Variants in LEF1 observed in about 807,000 individuals in gnomAD.
The protein encoded by LEF1 is lymphoid enhancer binding factor 1.
In LEF1, 14 loss-of-function variants were observed where a neutral mutation model predicts 51.2. The observed-to-expected ratio is 0.27, with a 90% CI of 0.18 to 0.43. The LOEUF (loss-of-function observed/expected upper bound fraction) is 0.43, where lower values mean the gene tolerates loss of function less well. LEF1 is among the 20% of genes least tolerant of loss of function. The pLI, the probability that LEF1 is intolerant of heterozygous loss-of-function variation, is 1.00. For synonymous variants in LEF1, 185 were observed against 183.2 expected, an observed-to-expected ratio of 1.01 and a Z score of -0.08; for missense variants, 386 against 512.0, an observed-to-expected ratio of 0.75 and a Z score of 2.37.
intron 8 of LEF1, among the ~76,000 whole-genome samples, chr4:108,077,615 C>A (rs1209749184): frequency 1.9e-4 from 19 of 98,052 alleles, no homozygotes; most frequent in Middle Eastern, 8.6e-3. Flanking sequence ...GCTGCCGCCC[C>A]GTCTGGGAAG....
At chr4:108,161,396 G>A (rs1745045188) in intron 3 of LEF1, among the ~76,000 whole-genome samples, 1 of 152,106 alleles carries the variant, frequency 6.6e-6, no homozygotes, top group Non-Finnish European at 1.5e-5. Flanking sequence ...ACAGATAACA[G>A]GGTAAGGTAA....
chr4:108,114,552 CA>C (rs1348833669), intron 3 of LEF1, among the ~76,000 whole-genome samples: 1 of 152,128 alleles, frequency 6.6e-6, no homozygotes, highest in African/African-American at 2.4e-5. Flanking sequence ...TTTGGGGAAA[CA>C]GCCCCAAGTG....
At chr4:108,066,226 C>T (rs1738069952) in intron 9 of LEF1, among the ~76,000 whole-genome samples, 1 of 152,162 alleles carries the variant, frequency 6.6e-6, no homozygotes, top group African/African-American at 2.4e-5. Flanking sequence ...ACGCTTCTTT[C>T]AAGTATCCAC....
chr4:108,048,959 G>T (rs1410325084), intron 11 of LEF1, among the ~76,000 whole-genome samples: 1 of 152,108 alleles, frequency 6.6e-6, no homozygotes, highest in Non-Finnish European at 1.5e-5. Context: ...TTTTACTTTG[G>T]TTCCATGTAT....
chr4:108,064,430 A>G, intron 9 of LEF1, 46 bp from the exon 10 acceptor site: 1 of 1,416,298 alleles, frequency 7.1e-7, no homozygotes, highest in East Asian at 2.3e-5. Context: ...TGTACCATGA[A>G]CACACAGATG....
At chr4:108,103,307 C>A (rs1344493313) in intron 3 of LEF1, among the ~76,000 whole-genome samples, 1 of 152,200 alleles carries the variant, frequency 6.6e-6, no homozygotes, top group East Asian at 1.9e-4. Flanking sequence ...GTATATTATT[C>A]ACAAGCCTTG....
intron 8 of LEF1, among the ~76,000 whole-genome samples, chr4:108,077,238 C>T (rs1483122205): frequency 1.3e-5 from 2 of 152,162 alleles, no homozygotes; most frequent in Non-Finnish European, 2.9e-5. Flanking sequence ...GTGAGGAGCC[C>T]CTCTGCCTGG....
intron 11 of LEF1, among the ~76,000 whole-genome samples, chr4:108,058,630 C>T (rs983663119): frequency 1.3e-5 from 2 of 152,198 alleles, no homozygotes; most frequent in Non-Finnish European, 2.9e-5. Context: ...TCCTTGATTT[C>T]ACTCCGATTT....
At chr4:108,073,595 G>A (rs923037578) in intron 8 of LEF1, among the ~76,000 whole-genome samples, 6 of 152,114 alleles carry the variant, frequency 3.9e-5, no homozygotes, top group East Asian at 1.9e-4. Context: ...ATAGTTTTAC[G>A]TAACTTACAG....
chr4:108,163,689 T>C lies in LEF1; in HGVS notation c.293A>G (p.Asp98Gly), dbSNP rs2110423578. 1 of 1,613,624 alleles carries C rather than the reference T, an allele frequency of 6.2e-7. No individual in the cohort carries two copies. Among genetic ancestry groups the C allele is most frequent in the East Asian group, 2.2e-5 (1 of 44,860 alleles). ...REHPDDGKHP[D>G]GGLYNKGPSY... ...GGGTCCCTTGTTGTAGAGGCCTCCA[T>C]CTGGATGCTTTCCTGGGAAGATCCA... The change falls in exon 3 of 12, where the codon GAT becomes GGT. Residue 98 changes from aspartate (D) to glycine (G), a missense_variant. Asp to Gly is a moderately conservative substitution (Grantham distance 94). Around this residue, in one of 2 missense-constraint regions of LEF1, gnomAD observed 335 missense variants for 390.7 expected, o/e 0.86. Transcript: ENST00000265165.
chr4:108,157,175 T>TACACACACACACACAC (rs1425931310), intron 3 of LEF1, among the ~76,000 whole-genome samples: 76 of 57,502 alleles, frequency 1.3e-3, no homozygotes, highest in Non-Finnish European at 1.6e-3. Context: ...TCTCTATATA[T>TACACACACACACACAC]ATATACACAC....
intron 9 of LEF1, among the ~76,000 whole-genome samples, chr4:108,066,014 T>C (rs561563713): frequency 3.2e-4 from 49 of 152,202 alleles, no homozygotes; most frequent in Non-Finnish European, 5.6e-4. Flanking sequence ...GCGATGTTCC[T>C]GCCTCAGCCT....
In LEF1 at chr4:108,078,279, C is replaced by T. The variant is rs768632102; in HGVS notation, c.949G>A (p.Val317Ile). The T allele has an allele frequency of 1.2e-6, 2 of 1,614,180 alleles. No individual in the cohort carries two copies. The highest frequency in any genetic ancestry group is 1.7e-6 in the Non-Finnish European group (2 of 1,180,042). ...MLYMKEMRAN[V>I]VAECTLKESA... ...TCTTTTAGAGTACACTCAGCAACGA[C>T]ATTCGCTCTCATTTCTTTCATGTAT... Residue 317 changes from valine (V) to isoleucine (I), a missense_variant, in exon 8 of 12, where the codon GTC becomes ATC. This residue lies in a region of LEF1 where 51 missense variants were observed against 121.3 expected (regional missense o/e 0.42). Coordinates refer to ENST00000265165, the MANE Select transcript of LEF1 (RefSeq NM_016269.5).
At chr4:108,112,241 T>C (rs1190996116) in intron 3 of LEF1, among the ~76,000 whole-genome samples, 6 of 152,208 alleles carry the variant, frequency 3.9e-5, no homozygotes, top group Non-Finnish European at 7.3e-5. Context: ...TGTGGTCAGA[T>C]GAAGGCTGTG....
At chr4:108,074,015 T>C (rs1426054535) in intron 8 of LEF1, among the ~76,000 whole-genome samples, 1 of 152,102 alleles carries the variant, frequency 6.6e-6, no homozygotes, top group Non-Finnish European at 1.5e-5. Flanking sequence ...TTAGTAGATA[T>C]GGGGTTTCAC....
Position 108,126,311 on chromosome 4 carries a change from G to A in LEF1, c.415-37054C>T, listed in dbSNP as rs150515509. 2.7e-3 allele frequency among the ~76,000 whole-genome samples: 418 copies of A among 152,164 alleles called. 1 individual carries two copies. Among genetic ancestry groups the A allele is most frequent in the African/African-American group, 9.5e-3 (394 of 41,512 alleles). Reference sequence around the variant, plus strand: ...AATTTTTCATCTAAGTCCCCAACTAGGACTTAAACTGATTACAGAATTTGA... The same window carrying A: ...AATTTTTCATCTAAGTCCCCAACTAAGACTTAAACTGATTACAGAATTTGA... On this transcript the variant is annotated intron_variant, in intron 3 of 11. Coordinates refer to ENST00000265165, the MANE Select transcript of LEF1 (RefSeq NM_016269.5).
chr4:108,081,157 C>A (rs531557654), intron 6 of LEF1, among the ~76,000 whole-genome samples: 2 of 152,262 alleles, frequency 1.3e-5, no homozygotes, highest in East Asian at 1.9e-4. Context: ...TCAAACACTG[C>A]CGCATCAAAC....
intron 1 of LEF1, among the ~76,000 whole-genome samples, chr4:108,165,449 T>A (rs1745326429): frequency 6.6e-6 from 1 of 152,224 alleles, no homozygotes; most frequent in South Asian, 2.1e-4. Context: ...CTGTTCTGAC[T>A]GCTGTTTATT....
chr4:108,135,115 G>T (rs1743170629), intron 3 of LEF1, among the ~76,000 whole-genome samples: 1 of 152,162 alleles, frequency 6.6e-6, no homozygotes, highest in African/African-American at 2.4e-5. Flanking sequence ...ACTTGTTAGA[G>T]GAAGACAGGA....
Sources: gnomAD v4.1 joint callset for allele counts (sites outside exome capture counted in the v4.1 genomes callset) on GRCh38, gnomAD v4.1.1 for gene constraint, gnomAD v4.1.1 regional missense constraint, MANE v1.5 for transcripts, NCBI Gene and HGNC (gene_info 2026-07-23, HGNC 2026-07-21) for gene names.